Variants in FERMT3 observed in about 807,000 individuals in gnomAD.
FERMT3 encodes the protein FERM domain containing kindlin 3.
Under a neutral mutation model 80.8 loss-of-function variants are expected in FERMT3, and 33 were observed. That is an observed-to-expected ratio of 0.41 (90% confidence interval 0.31 to 0.55). FERMT3 has a LOEUF of 0.55. FERMT3 is among the 20% of genes least tolerant of loss of function. The pLI, the probability that FERMT3 is intolerant of heterozygous loss-of-function variation, is 0.31. For missense variants in FERMT3, 754 were observed against 908.7 expected (o/e 0.83, Z 2.19); for synonymous variants, 375 against 372.2 (o/e 1.01, Z -0.09).
chr11:64,207,633 A>G, intron 2 of FERMT3, 109 bp downstream of exon 2: 1 of 1,344,566 alleles, frequency 7.4e-7, no homozygotes, highest in Non-Finnish European at 1.0e-6. Flanking sequence ...TAATGGTGTC[A>G]CGGTGACTCA....
chr11:64,209,953 C>T (rs913918783), intron 2 of FERMT3, among the ~76,000 whole-genome samples: 2 of 152,202 alleles, frequency 1.3e-5, no homozygotes, highest in Non-Finnish European at 1.5e-5. Flanking sequence ...AAGGGACAGA[C>T]GCACATCTCT....
intron 2 of FERMT3, among the ~76,000 whole-genome samples, chr11:64,208,476 C>T (rs1257214152): frequency 2.0e-5 from 3 of 152,200 alleles, no homozygotes; most frequent in Admixed American, 1.3e-4. Flanking sequence ...GCTCTGTGTT[C>T]CCTGTGGTGG....
rs371722239 is a variant in FERMT3, at chr11:64,210,253, CAG to C, written c.161-355_161-354del. Among the ~76,000 whole-genome samples the C allele has an allele frequency of 7.2e-5, 11 of 152,280 alleles. No individual in the cohort carries two copies. Among genetic ancestry groups the C allele is most frequent in the African/African-American group, 2.6e-4 (11 of 41,562 alleles). On this transcript the variant is annotated intron_variant, in intron 2 of 14. Transcript: ENST00000345728. This position sits in a 1 kb window ranked among gnomAD's most constrained non-coding sequence, Gnocchi z 4.3. ...TCCAGGAGCTCCCCAGAATGCAAGA[CAG>C]AGGCTGTTAAACCGTGGATTATGGG...
chr11:64,210,775 G>A lies in FERMT3; in HGVS notation c.325G>A (p.Ala109Thr), dbSNP rs765368032. 63 of 1,613,888 alleles carry A rather than the reference G, an allele frequency of 3.9e-5. No individual in the cohort carries two copies. The highest frequency in any genetic ancestry group is 2.7e-4 in the East Asian group (12 of 44,890). The stretch of plus-strand genomic sequence containing the variant: ...CATCCTTCGGTTGCCCAACCGCCGC[G>A]CACTGCGCCTCCGTGCCAGCTTCTC... ...PVILRLPNRR[A>T]LRLRASFSQP... is the part of the protein sequence containing the mutation. The change falls in exon 3 of 15, where the codon GCA (alanine) becomes ACA (threonine). Residue 109 changes from alanine (A) to threonine (T), a missense_variant. By Grantham distance (58) the Ala-to-Thr change is moderately conservative. Transcript: ENST00000345728. The surrounding 1 kb of genome is among the most constrained non-coding windows in gnomAD (Gnocchi z 4.3).
At chr11:64,212,987 A>G (rs1946475148) in intron 6 of FERMT3, among the ~76,000 whole-genome samples, 1 of 151,820 alleles carries the variant, frequency 6.6e-6, no homozygotes, top group Non-Finnish European at 1.5e-5. Flanking sequence ...TGGACCTCCC[A>G]GGGTCATGTG....
chr11:64,222,966 T>C, intron 13 of FERMT3, 82 bp from the exon 14 acceptor site: 1 of 1,585,844 alleles, frequency 6.3e-7, no homozygotes. Flanking sequence ...GGGCTGGCTC[T>C]CCAGCACGGC....
Position 64,211,117 on chromosome 11 carries a change from GAGA to G in FERMT3, c.463_465del (p.Lys155del). The G allele has an allele frequency of 1.9e-6, 3 of 1,559,202 alleles. No homozygotes were observed. The highest frequency in any genetic ancestry group is 2.6e-6 in the Non-Finnish European group (3 of 1,151,500). ...TGAGAAGAAGGAGAAGAAGAAGAAA[GAGA>G]AGGAGCCAGAGGAAGAGCTCTATGA... On this transcript the variant is annotated inframe_deletion, in exon 4 of 15. Transcript: ENST00000345728. This position sits in a 1 kb window ranked among gnomAD's most constrained non-coding sequence, Gnocchi z 4.7.
At chr11:64,209,018 G>A (rs564777470) in intron 2 of FERMT3, among the ~76,000 whole-genome samples, 4 of 152,210 alleles carry the variant, frequency 2.6e-5, no homozygotes, top group Non-Finnish European at 5.9e-5. Context: ...AGGCCGGGCA[G>A]GGAGGATGGA....
In FERMT3 at chr11:64,211,331, ACTG is replaced by A. The variant is rs1946433203; in HGVS notation, c.572_574del (p.Thr191_Glu192delinsLys). On this transcript the variant is annotated inframe_deletion, in exon 5 of 15. Transcript: ENST00000345728. The surrounding 1 kb of genome is among the most constrained non-coding windows in gnomAD (Gnocchi z 4.7). ...AGCTCACTTCTCGGACAGCGCCCAG[ACTG>A]AGGCCTGCTACCACATGCTGAGCCG... 1 of 1,612,924 alleles carries A rather than the reference ACTG, an allele frequency of 6.2e-7. No individual in the cohort carries two copies. The highest frequency in any genetic ancestry group is 1.3e-5 in the African/African-American group (1 of 74,812).
intron 13 of FERMT3, among the ~76,000 whole-genome samples, chr11:64,222,558 C>A (rs921484967): frequency 4.5e-4 from 59 of 131,170 alleles, no homozygotes; most frequent in Admixed American, 2.7e-3. Context: ...AGCGACACTC[C>A]GTCTCAAAAA....
chr11:64,221,062 C>T lies in FERMT3; in HGVS notation c.1592C>T (p.Ser531Leu). The stretch of plus-strand genomic sequence containing the variant: ...GCCCACCAGAATGTGGCCCAGTTGT[C>T]GCTGGCAGAGGCCCAGCTGCGCTTC... ...LEAHQNVAQL[S>L]LAEAQLRFIQ... Residue 531 changes from serine to leucine, a missense_variant, in exon 13 of 15, where the codon TCG (serine) becomes TTG (leucine). By Grantham distance (145) the Ser-to-Leu change is moderately radical. Transcript: ENST00000345728. 3.1e-6 allele frequency: 5 copies of T among 1,612,680 alleles called. No individual in the cohort carries two copies. The highest frequency in any genetic ancestry group is 4.2e-6 in the Non-Finnish European group (5 of 1,180,014).
chr11:64,212,925 G>C (rs1946473970), intron 6 of FERMT3, among the ~76,000 whole-genome samples: 1 of 151,924 alleles, frequency 6.6e-6, no homozygotes, highest in South Asian at 2.1e-4. Context: ...ACACAGTCTT[G>C]CTCTGTTGTC....
chr11:64,213,849 A>G (rs888090677), intron 6 of FERMT3, among the ~76,000 whole-genome samples: 10 of 152,352 alleles, frequency 6.6e-5, no homozygotes, highest in African/African-American at 2.4e-4. Context: ...GGCGTGAGCC[A>G]CGGCGTCGGG....
Position 64,219,437 on chromosome 11 carries a change from G to A in FERMT3, c.894+79G>A. 6.4e-7 allele frequency: 1 copy of A among 1,558,840 alleles called. No homozygotes were observed. The highest frequency in any genetic ancestry group is 8.7e-7 in the Non-Finnish European group (1 of 1,151,880). On this transcript the variant is annotated intron_variant, in intron 7 of 14. Transcript: ENST00000345728. The surrounding 1 kb of genome is among the most constrained non-coding windows in gnomAD (Gnocchi z 4.0). ...GGCAGGAAGGGCCTTCCTGAGTGGGGGCTACCTCCAGGGAAGCCCGGCCTG... is the reference window on the plus strand; with the variant it reads ...GGCAGGAAGGGCCTTCCTGAGTGGGAGCTACCTCCAGGGAAGCCCGGCCTG...
At chr11:64,216,524 C>CG (rs886895483) in intron 6 of FERMT3, among the ~76,000 whole-genome samples, 2 of 137,814 alleles carry the variant, frequency 1.5e-5, no homozygotes, top group African/African-American at 2.6e-5. Context: ...TCGCCGGGCG[C>CG]GGTGGCTCAC....
chr11:64,214,168 C>CTT (rs60329788), intron 6 of FERMT3, among the ~76,000 whole-genome samples: 12,990 of 113,186 alleles, frequency 0.11, 2,404 homozygotes, highest in African/African-American at 0.36. Context: ...TCATAATTGC[C>CTT]TTTTTTTTTT....
intron 2 of FERMT3, among the ~76,000 whole-genome samples, chr11:64,209,993 T>C (rs1419632478): frequency 6.6e-6 from 1 of 152,230 alleles, no homozygotes; most frequent in African/African-American, 2.4e-5. Context: ...GATCGTCATG[T>C]GCGTGCACAA....
Position 64,207,360 on chromosome 11 carries a change from C to T in FERMT3, c.-5C>T, listed in dbSNP as rs1458708930. On this transcript the variant is annotated 5_prime_UTR_variant, in exon 2 of 15. Transcript: ENST00000345728. Reference sequence around the variant, plus strand: ...TCCACACTCTCTGTAGCAGCAGCCGCAGCCATGGCGGGGATGAAGACAGCC... The same window carrying T: ...TCCACACTCTCTGTAGCAGCAGCCGTAGCCATGGCGGGGATGAAGACAGCC... 6.2e-7 allele frequency: 1 copy of T among 1,614,158 alleles called. No individual in the cohort carries two copies. Among genetic ancestry groups the T allele is most frequent in the East Asian group, 2.2e-5 (1 of 44,882 alleles).
intron 13 of FERMT3, among the ~76,000 whole-genome samples, chr11:64,221,945 A>G (rs1946692397): frequency 6.6e-6 from 1 of 151,014 alleles, no homozygotes; most frequent in African/African-American, 2.4e-5. Flanking sequence ...AAAACAAAAC[A>G]AAAAACAAAT....
Sources: allele counts gnomAD v4.1 joint callset (sites outside exome capture counted in the v4.1 genomes callset), GRCh38; gene constraint gnomAD v4.1.1; non-coding constraint Gnocchi (gnomAD v3.1); transcripts MANE v1.5; gene names NCBI Gene and HGNC (gene_info 2026-07-23, HGNC 2026-07-21).